The following KCNJ3 variants were observed in gnomAD, a reference collection of about 807,000 sequenced individuals.
The protein encoded by KCNJ3 is potassium inwardly rectifying channel subfamily J member 3.
KCNJ3 carries 4 observed loss-of-function variants against 39.2 expected under a neutral mutation model. That is an observed-to-expected ratio of 0.10 (90% confidence interval 0.05 to 0.23). The LOEUF is 0.23. Among genes scored for constraint, KCNJ3 ranks in the 10% least tolerant of loss-of-function variants. The pLI is 1.00. For synonymous variants in KCNJ3, 230 were observed against 237.4 expected, an observed-to-expected ratio of 0.97 and a Z score of 0.29; for missense variants, 276 against 634.9, an observed-to-expected ratio of 0.43 and a Z score of 6.08.
At chr2:154,775,168 C>T (rs1686311119) in intron 2 of KCNJ3, among the ~76,000 whole-genome samples, 2 of 152,196 alleles carry the variant, frequency 1.3e-5, no homozygotes, top group South Asian at 4.1e-4. Flanking sequence ...CAGTCCACCT[C>T]AGCCTTCCAA....
chr2:154,767,628 G>C (rs577784988), intron 2 of KCNJ3, among the ~76,000 whole-genome samples: 4 of 152,208 alleles, frequency 2.6e-5, no homozygotes, highest in African/African-American at 9.6e-5. Context: ...GCTATTGTGA[G>C]TAGTGCCACA....
chr2:154,800,699 G>A (rs1053140498), intron 2 of KCNJ3, among the ~76,000 whole-genome samples: 6 of 151,862 alleles, frequency 4.0e-5, no homozygotes, highest in African/African-American at 9.7e-5. Flanking sequence ...TCATTTTCCT[G>A]TTTCATTGAT....
intron 2 of KCNJ3, among the ~76,000 whole-genome samples, chr2:154,771,432 C>G (rs931164960): frequency 6.6e-6 from 1 of 152,108 alleles, no homozygotes; most frequent in Non-Finnish European, 1.5e-5. Context: ...GATGAAAATA[C>G]TGGAGAATTG....
chr2:154,705,253 T>C (rs1189850635), intron 1 of KCNJ3, among the ~76,000 whole-genome samples: 1 of 152,186 alleles, frequency 6.6e-6, no homozygotes, highest in East Asian at 1.9e-4. Flanking sequence ...ATGTGGGCAC[T>C]TGGCCATATA....
intron 2 of KCNJ3, among the ~76,000 whole-genome samples, chr2:154,756,311 AT>A (rs752351201): frequency 9.9e-5 from 15 of 152,116 alleles, no homozygotes; most frequent in Non-Finnish European, 2.1e-4. Context: ...TACACTTGGT[AT>A]TTTATTTTTC....
intron 2 of KCNJ3, among the ~76,000 whole-genome samples, chr2:154,714,867 C>T (rs1257984433): frequency 1.3e-5 from 2 of 151,914 alleles, no homozygotes; most frequent in African/African-American, 4.8e-5. Context: ...GGGATACAGA[C>T]AATAAACATA....
intron 2 of KCNJ3, among the ~76,000 whole-genome samples, chr2:154,778,495 C>T (rs1686377797): frequency 6.6e-6 from 1 of 152,072 alleles, no homozygotes; most frequent in Non-Finnish European, 1.5e-5. Flanking sequence ...TCTACAATAT[C>T]AGTCAGGGAG....
At chr2:154,789,444 C>T (rs1199024952) in intron 2 of KCNJ3, among the ~76,000 whole-genome samples, 1 of 152,152 alleles carries the variant, frequency 6.6e-6, no homozygotes, top group African/African-American at 2.4e-5. Flanking sequence ...CAGTTACCTT[C>T]TTTAGAAAAC....
intron 2 of KCNJ3, among the ~76,000 whole-genome samples, chr2:154,821,824 A>C (rs1219226903): frequency 1.3e-5 from 2 of 151,878 alleles, no homozygotes; most frequent in Non-Finnish European, 2.9e-5. Flanking sequence ...TATTTTTAGT[A>C]GAGACCAGGT....
At chr2:154,825,017 C>T (rs1320325980) in intron 2 of KCNJ3, among the ~76,000 whole-genome samples, 1 of 152,164 alleles carries the variant, frequency 6.6e-6, no homozygotes, top group Non-Finnish European at 1.5e-5. Context: ...AAGATAAATA[C>T]TTGCTTATTT....
rs1205140967 is a variant in KCNJ3, at chr2:154,857,581, G to C, written c.*2268G>C. 6.6e-6 allele frequency: 1 copy of C among 152,084 alleles called. No homozygotes were observed. Among genetic ancestry groups the C allele is most frequent in the Non-Finnish European group, 1.5e-5 (1 of 68,082 alleles). The allele number at this position is 152,084 out of a possible 1,614,324, so 9.4% of individuals were successfully genotyped here. The stretch of plus-strand genomic sequence containing the variant: ...ACCACTTCAGACAATCAAAGTATCA[G>C]TTAAGAGAATGAAAACAGGCCTGAC... On this transcript the variant is annotated 3_prime_UTR_variant, in exon 3 of 3. Transcript: ENST00000295101.
chr2:154,758,997 G>T lies in KCNJ3; in HGVS notation c.919+49178G>T, dbSNP rs116652013. Among the ~76,000 whole-genome samples the T allele has an allele frequency of 7.7e-3, 1,175 of 152,206 alleles. 12 individuals carry two copies. Among genetic ancestry groups the T allele is most frequent in the Middle Eastern group, 0.044 (13 of 294 alleles). ...TTGGAGTCTTGGATTTGCCCTAGAG[G>T]CCTCTAAAAACAGAAAAACAAGTTT... On this transcript the variant is annotated intron_variant, in intron 2 of 2. Coordinates refer to ENST00000295101, the MANE Select transcript of KCNJ3 (RefSeq NM_002239.4).
At chr2:154,777,627 C>G (rs756495821) in intron 2 of KCNJ3, among the ~76,000 whole-genome samples, 3 of 152,116 alleles carry the variant, frequency 2.0e-5, no homozygotes, top group African/African-American at 7.2e-5. Context: ...TCAATAACTT[C>G]TTTTTCTCCC....
In KCNJ3 at chr2:154,738,626, T is replaced by C. The variant is rs950121444; in HGVS notation, c.919+28807T>C. 8.6e-5 allele frequency among the ~76,000 whole-genome samples: 13 copies of C among 151,864 alleles called. 1 individual carries two copies. Among genetic ancestry groups the C allele is most frequent in the African/African-American group, 2.9e-4 (12 of 41,386 alleles). On this transcript the variant is annotated intron_variant, in intron 2 of 2. Coordinates refer to ENST00000295101, the MANE Select transcript of KCNJ3 (RefSeq NM_002239.4). Reference sequence around the variant, plus strand: ...TTAAATTAGTGTAGACAATCTTAAATGTAACTGGAGAAAAAAAGACACGTA... The same window carrying C: ...TTAAATTAGTGTAGACAATCTTAAACGTAACTGGAGAAAAAAAGACACGTA...
intron 2 of KCNJ3, among the ~76,000 whole-genome samples, chr2:154,852,408 A>C (rs1055945838): frequency 1.3e-5 from 2 of 152,168 alleles, no homozygotes; most frequent in Admixed American, 6.6e-5. Context: ...AAAACATAAA[A>C]ATAAAAAAGA....
chr2:154,838,501 TTA>T (rs1331156675), intron 2 of KCNJ3, among the ~76,000 whole-genome samples: 3 of 152,150 alleles, frequency 2.0e-5, no homozygotes, highest in African/African-American at 7.2e-5. Context: ...GTGAGGAGAA[TTA>T]TATGATAATA....
At chr2:154,842,136 T>C (rs972729606) in intron 2 of KCNJ3, among the ~76,000 whole-genome samples, 8 of 152,228 alleles carry the variant, frequency 5.3e-5, no homozygotes, top group Admixed American at 3.3e-4. Flanking sequence ...TTCTGGTACA[T>C]TGTGTCTTTG....
At chr2:154,817,987 A>G (rs570263029) in intron 2 of KCNJ3, among the ~76,000 whole-genome samples, 1 of 152,224 alleles carries the variant, frequency 6.6e-6, no homozygotes, top group African/African-American at 2.4e-5. Context: ...GTAGAAACTG[A>G]TATAATCATT....
rs548772956 is a variant in KCNJ3 at position 154,730,194 on chromosome 2, TG to T, written c.919+20378del. On this transcript the variant is annotated intron_variant, in intron 2 of 2. Transcript: ENST00000295101. ...ATTTTATTCAGAAAAGGACATTGCC[TG>T]GGAAATTATCTCTCCATTGCATTGG... Among the ~76,000 whole-genome samples, 86 of 152,118 alleles carry T rather than the reference TG, an allele frequency of 5.7e-4. 1 individual carries two copies. The highest frequency in any genetic ancestry group is 1.2e-3 in the Non-Finnish European group (82 of 67,998).
Sources: allele counts gnomAD v4.1 joint callset (sites outside exome capture counted in the v4.1 genomes callset), GRCh38; gene constraint gnomAD v4.1.1; transcripts MANE v1.5; gene names NCBI Gene and HGNC (gene_info 2026-07-23, HGNC 2026-07-21).